The following ZNF185 variants were observed in gnomAD, a reference collection of about 807,000 sequenced individuals.
ZNF185 encodes zinc finger protein 185 with LIM domain.
ZNF185 carries 56 observed loss-of-function variants against 58.6 expected under a neutral mutation model. The observed-to-expected ratio is 0.95, with a 90% confidence interval of 0.77 to 1.19. The LOEUF is 1.19. Among genes scored for constraint, ZNF185 ranks in the 50% most tolerant of loss-of-function variants. ZNF185 has a pLI of 0.00. For missense variants in ZNF185, 627 were observed against 573.5 expected, an observed-to-expected ratio of 1.09 and a Z score of -0.95; for synonymous variants, 230 against 215.9, an observed-to-expected ratio of 1.07 and a Z score of -0.57.
At position 152,960,740 on chromosome X, in the gene ZNF185, G is replaced by T. The variant is rs147129433; in HGVS notation, c.1607+844G>T. ...ATCATCCTGAAACATTCTGTCAATT[G>T]TCATTTCCAAAAATCCATGGAAAAC... On this transcript the variant is annotated intron_variant, in intron 17 of 22. Coordinates refer to ENST00000449285, the Ensembl canonical transcript of ZNF185. Among the ~76,000 whole-genome samples, 76 of 112,605 alleles carry T rather than the reference G, an allele frequency of 6.7e-4. No homozygotes were observed. The East Asian group carries it at 0.015, about 23-fold the overall frequency.
intron 15 of ZNF185, among the ~76,000 whole-genome samples, chrX:152,942,782 G>A (rs983872960): frequency 9.0e-6 from 1 of 111,349 alleles, no homozygotes; most frequent in Non-Finnish European, 1.9e-5. Context: ...ACTGGCAACC[G>A]TTGTTGGCCA....
chrX:152,959,316 T>C (rs897676221), intron 16 of ZNF185, among the ~76,000 whole-genome samples: 3 of 111,899 alleles, frequency 2.7e-5, no homozygotes, highest in Admixed American at 9.4e-5. Context: ...TTGAGCACCA[T>C]GGTCAGGGAA....
At chrX:152,951,719 A>AT (rs1194213990) in intron 16 of ZNF185, among the ~76,000 whole-genome samples, 1 of 112,023 alleles carries the variant, frequency 8.9e-6, no homozygotes, top group Non-Finnish European at 1.9e-5. Context: ...TATACATCTC[A>AT]TAACTTTTTA....
rs781976898 is a variant in ZNF185, at chrX:152,938,133, C to T, written c.1181C>T (p.Ala394Val). 44 of 1,184,639 alleles carry T rather than the reference C, an allele frequency of 3.7e-5. No individual in the cohort carries two copies. The highest frequency in any genetic ancestry group is 1.4e-4 in the Admixed American group (6 of 42,122). The change falls in exon 15 of 23, where the codon GCC becomes GTC. Residue 394 changes from alanine (A) to valine (V), a missense_variant. Physicochemically the swap from Ala to Val is moderately conservative, Grantham distance 64. Transcript: ENST00000449285. ...GATAGGAAGAGCAACAGCACAGCAGCCCAGGAGGATGCAAAGGCAGACCCA... is the reference window on the plus strand; with the variant it reads ...GATAGGAAGAGCAACAGCACAGCAGTCCAGGAGGATGCAAAGGCAGACCCA...
rs1321010034 is a variant in ZNF185 at position 152,917,021 on chromosome X, G to A, written c.225-110G>A. 2.9e-5 allele frequency: 31 copies of A among 1,072,972 alleles called. No homozygotes were observed. In the Middle Eastern group the frequency reaches 7.4e-4, roughly 26 times the overall value. The allele number at this position is 1,072,972 out of a possible 1,213,427, so 88.4% of individuals were successfully genotyped here. A position where few individuals can be genotyped will look rare whatever the true frequency, so the allele number is the denominator to read the frequency against. On this transcript the variant is annotated intron_variant, in intron 3 of 22. Coordinates refer to ENST00000449285, the Ensembl canonical transcript of ZNF185. ...CGTTTCTGCTGTACTGGGACACCTG[G>A]AGCACTTGCCAGCCAATCTTATTTG...
intron 3 of ZNF185, among the ~76,000 whole-genome samples, chrX:152,916,892 C>T (rs1476274944): frequency 8.9e-6 from 1 of 112,550 alleles, no homozygotes; most frequent in Admixed American, 9.3e-5. Flanking sequence ...TTCCTAGGCA[C>T]CTGCCATGAG....
At chrX:152,924,675 CGTTT>C (rs1261338293) in intron 11 of ZNF185, among the ~76,000 whole-genome samples, 15 of 111,401 alleles carry the variant, frequency 1.3e-4, no homozygotes, top group African/African-American at 4.6e-4. Flanking sequence ...TCTGTTTGTT[CGTTT>C]GTTTGTTTTG....
At chrX:152,959,937 A>G (rs1361433085) in intron 17 of ZNF185, 41 bp downstream of exon 19, 2 of 1,165,134 alleles carry the variant, frequency 1.7e-6, no homozygotes, top group Non-Finnish European at 2.3e-6. Flanking sequence ...TGCTAGAGCC[A>G]GTGTTTTTGT....
At chrX:152,936,962 TGGGGC>T in intron 14 of ZNF185, among the ~76,000 whole-genome samples, 1 of 111,530 alleles carries the variant, frequency 9.0e-6, no homozygotes, top group Non-Finnish European at 1.9e-5. Context: ...AAATGGCTCC[TGGGGC>T]ACAAAGGTAC....
rs987726822 is a variant in ZNF185, at chrX:152,943,115, C to T, written c.1212-2152C>T. Among the ~76,000 whole-genome samples the T allele has an allele frequency of 4.5e-5, 5 of 111,040 alleles. No individual in the cohort carries two copies. The Middle Eastern group carries it at 0.014, about 307-fold the overall frequency. On this transcript the variant is annotated intron_variant, in intron 15 of 22. Transcript: ENST00000449285. Reference sequence around the variant, plus strand: ...TACCTCCTGGGCTCAAGTGATTCTCCTGCCTTAACCTCCCAAGTAGCTGGG... The same window carrying T: ...TACCTCCTGGGCTCAAGTGATTCTCTTGCCTTAACCTCCCAAGTAGCTGGG...
At chrX:152,928,554 G>T (rs782813593) in intron 11 of ZNF185, 21 bp from the exon 13 acceptor site, 1 of 1,209,071 alleles carries the variant, frequency 8.3e-7, no homozygotes, top group East Asian at 3.0e-5. Context: ...CAACCCACTG[G>T]GTCTCTCCTT....
intron 10 of ZNF185, 122 bp downstream of exon 11, chrX:152,922,378 C>A: frequency 1.5e-6 from 1 of 688,708 alleles, no homozygotes; most frequent in Middle Eastern, 4.4e-4. Context: ...CCCATGTGCC[C>A]AGTGACAAGA....
chrX:152,898,654 G>T, the ZNF185 span, among the ~76,000 whole-genome samples: 1 of 112,764 alleles, frequency 8.9e-6, no homozygotes, highest in African/African-American at 3.2e-5. Context: ...CCCAGAGGCT[G>T]GCTCACCCAG....
At chrX:152,922,722 C>A (rs782355209) in exon 11 of ZNF185, 2 of 1,197,281 alleles carry the variant, frequency 1.7e-6, no homozygotes, top group Admixed American at 4.5e-5. Context: ...TTTGCCAGTG[C>A]GGATGGAGGC....
intron 15 of ZNF185, among the ~76,000 whole-genome samples, chrX:152,939,521 G>C (rs1192718636): frequency 1.8e-5 from 2 of 112,049 alleles, no homozygotes; most frequent in Non-Finnish European, 3.8e-5. Flanking sequence ...TCTTGTCTTT[G>C]GAGCCTAGTC....
chrX:152,959,883 A>C (rs2049287247), exon 17 of ZNF185: 2 of 1,209,829 alleles, frequency 1.7e-6, no homozygotes. Context: ...CAGACGAGAG[A>C]GCTGCACCAG....
intron 11 of ZNF185, 143 bp downstream of exon 12, chrX:152,922,952 G>C: frequency 2.0e-6 from 1 of 494,042 alleles, no homozygotes; most frequent in Admixed American, 3.9e-5. Context: ...TCTCACTCCA[G>C]GAAGGGCCGT....
At chrX:152,926,577 A>G (rs145070122) in intron 11 of ZNF185, among the ~76,000 whole-genome samples, 2,662 of 112,523 alleles carry the variant, frequency 0.024, 82 homozygotes, top group African/African-American at 0.081. Flanking sequence ...GGCTGTGATC[A>G]GTTTTGGGCT....
exon 23 of ZNF185, chrX:152,972,209 G>A (rs1234151203): frequency 8.9e-6 from 1 of 112,191 alleles, no homozygotes; most frequent in Non-Finnish European, 1.9e-5. Flanking sequence ...TGAGGATATT[G>A]GAACTCAGAG....
Sources: gnomAD v4.1 joint callset for allele counts (sites outside exome capture counted in the v4.1 genomes callset) on GRCh38, gnomAD v4.1.1 for gene constraint, MANE v1.5 for transcripts, NCBI Gene and HGNC (gene_info 2026-07-23, HGNC 2026-07-21) for gene names.